The following COL28A1 variants were observed in gnomAD, a reference collection of about 807,000 sequenced individuals.
COL28A1 encodes collagen alpha-1(XXVIII) chain.
Under a neutral mutation model 150.2 loss-of-function variants are expected in COL28A1, and 161 were observed. The observed-to-expected ratio is 1.07, with a 90% CI of 0.94 to 1.22. The LOEUF (loss-of-function observed/expected upper bound fraction) is 1.22. Ranked by LOEUF, COL28A1 falls within the 50% of genes most tolerant of loss-of-function variation. The pLI is 0.00. For missense variants in COL28A1, 1,617 were observed against 1,388.3 expected (o/e 1.16, Z -2.62); for synonymous variants, 552 against 469.7 (o/e 1.18, Z -2.26).
chr7:7,363,239 A>T (rs1351503011), intron 33 of COL28A1, among the ~76,000 whole-genome samples: 1 of 152,206 alleles, frequency 6.6e-6, no homozygotes, highest in Admixed American at 6.5e-5. Flanking sequence ...GTTTTCTTCA[A>T]AGAATTAACT....
chr7:7,498,802 C>A (rs1190902132), intron 11 of COL28A1, among the ~76,000 whole-genome samples: 2 of 152,116 alleles, frequency 1.3e-5, no homozygotes, highest in Non-Finnish European at 2.9e-5. Flanking sequence ...TTTAGTGCCC[C>A]CTTTGACTAT....
chr7:7,522,639 A>G (rs975425672), intron 4 of COL28A1, among the ~76,000 whole-genome samples: 2 of 152,054 alleles, frequency 1.3e-5, no homozygotes, highest in East Asian at 3.8e-4. Flanking sequence ...TTGCTGGCAT[A>G]GAGGTCAGTA....
At position 7,443,613 on chromosome 7, in the gene COL28A1, G is replaced by A. The variant is rs201566182; in HGVS notation, c.1622C>T (p.Pro541Leu). 9.8e-5 allele frequency: 158 copies of A among 1,613,952 alleles called. No individual in the cohort carries two copies. Among genetic ancestry groups the A allele is most frequent in the Non-Finnish European group, 1.2e-4 (146 of 1,180,008 alleles). ...GGGGCCAGGCTGTCCTTTTCCAGGT[G>A]GTCCTTCTGGGCCTCTTGCTCCCGG... ...GLPGARGPEG[P>L]PGKGQPGPKG... Residue 541 changes from proline (P) to leucine (L), a missense_variant, in exon 20 of 35, where the codon CCA (proline) becomes CTA (leucine). Transcript: ENST00000399429.
At chr7:7,431,513 T>C (rs1442737907) in intron 25 of COL28A1, 6 of 470,988 alleles carry the variant, frequency 1.3e-5, no homozygotes, top group Non-Finnish European at 4.4e-6. Context: ...TCAGCCATCC[T>C]GGCGAGTCCC....
intron 16 of COL28A1, among the ~76,000 whole-genome samples, chr7:7,454,094 C>T (rs1786942009): frequency 6.6e-6 from 1 of 152,122 alleles, no homozygotes; most frequent in Non-Finnish European, 1.5e-5. Context: ...AGGATATGCA[C>T]ATATGTGTAC....
At chr7:7,446,242 A>G (rs1412042423) in intron 18 of COL28A1, among the ~76,000 whole-genome samples, 1 of 152,214 alleles carries the variant, frequency 6.6e-6, no homozygotes, top group African/African-American at 2.4e-5. Context: ...AGGTTTTTTA[A>G]AAGATATCAA....
At chr7:7,360,324 TTGTGCACCAAATC>T in intron 34 of COL28A1, 53 bp downstream of exon 34, 5 of 1,432,284 alleles carry the variant, frequency 3.5e-6, no homozygotes. Flanking sequence ...TCTCTTTCCT[TTGTGCACCAAATC>T]TGTGCACAAG....
At position 7,511,106 on chromosome 7, in the gene COL28A1, C is replaced by A. The variant is rs780167892; in HGVS notation, c.912G>T (p.Gly304=). Residue 304 remains glycine (G), a synonymous_variant, in exon 9 of 35, where the codon GGG becomes GGT. Coordinates refer to ENST00000399429, the MANE Select transcript of COL28A1 (RefSeq NM_001037763.3). ...TGTTCCTTACCTTGTCACCTTTTAT[C>A]CCTGGTTTACCACATTCCCCACGTT... The part of the protein sequence containing the change: ...KGERGECGKP[G]IKGDKGSPGP... The A allele has an allele frequency of 1.1e-5, 17 of 1,613,130 alleles. No homozygotes were observed. In the South Asian group the frequency reaches 1.5e-4, roughly 15 times the overall value.
chr7:7,400,853 A>G (rs922938117), intron 27 of COL28A1, among the ~76,000 whole-genome samples: 3 of 151,988 alleles, frequency 2.0e-5, no homozygotes, highest in Non-Finnish European at 2.9e-5. Context: ...TACAGGAAAA[A>G]ATTACAAGAA....
At chr7:7,479,875 T>C (rs1789248444) in intron 13 of COL28A1, among the ~76,000 whole-genome samples, 2 of 152,216 alleles carry the variant, frequency 1.3e-5, no homozygotes, top group African/African-American at 4.8e-5. Context: ...TTTTCTCTCC[T>C]TTTCTTCTTG....
intron 3 of COL28A1, among the ~76,000 whole-genome samples, chr7:7,525,242 G>C (rs1781957603): frequency 6.6e-6 from 1 of 152,222 alleles, no homozygotes; most frequent in Non-Finnish European, 1.5e-5. Context: ...ACCGTCTTCA[G>C]TGCATGTCAT....
chr7:7,375,507 A>G lies in COL28A1; in HGVS notation c.2323-10T>C, dbSNP rs893607623. 3.3e-6 allele frequency: 5 copies of G among 1,511,896 alleles called. No homozygotes were observed. The highest frequency in any genetic ancestry group is 3.5e-5 in the Admixed American group (2 of 57,444). The allele number at this position is 1,511,896 out of a possible 1,614,324, so 93.7% of individuals were successfully genotyped here. A position where few individuals can be genotyped will look rare whatever the true frequency, so the allele number is the denominator to read the frequency against. ...TGATAATTTCTTCTTTCTAGGGGAT[A>G]AAAAGAAAAATGTATTACTATATGT... On this transcript the variant is annotated splice_polypyrimidine_tract_variant and intron_variant, in intron 30 of 34. Transcript: ENST00000399429.
intron 13 of COL28A1, among the ~76,000 whole-genome samples, chr7:7,483,364 A>C (rs1779455481): frequency 6.6e-6 from 1 of 152,204 alleles, no homozygotes; most frequent in African/African-American, 2.4e-5. Context: ...ATATTCAATG[A>C]AAGAACAAAG....
chr7:7,450,651 C>T (rs760978798), intron 18 of COL28A1, among the ~76,000 whole-genome samples: 15 of 152,166 alleles, frequency 9.9e-5, no homozygotes, highest in Non-Finnish European at 1.9e-4. Flanking sequence ...CTATGATCTT[C>T]CCATTCTACC....
the COL28A1 span, among the ~76,000 whole-genome samples, chr7:7,543,586 G>C: frequency 6.6e-6 from 1 of 151,902 alleles, no homozygotes; most frequent in Non-Finnish European, 1.5e-5. Flanking sequence ...CTGAACACAG[G>C]GTTGCAAAGA....
chr7:7,531,642 T>C lies in COL28A1; in HGVS notation c.387A>G (p.Gln129=). Residue 129 remains glutamine, a synonymous_variant, in exon 3 of 35, where the codon CAA becomes CAG. Transcript: ENST00000399429. The part of the protein sequence containing the change: ...QKVKSMNLIG[Q]GTFSYYAISN... Reference sequence around the variant, plus strand: ...AAATGGCATAATAAGAGAAGGTACCTTGCCCTATTAAATTCATAGACTTGA... The same window carrying C: ...AAATGGCATAATAAGAGAAGGTACCCTGCCCTATTAAATTCATAGACTTGA... The C allele has an allele frequency of 6.2e-7, 1 of 1,602,570 alleles. No homozygotes were observed. Among genetic ancestry groups the C allele is most frequent in the Non-Finnish European group, 8.6e-7 (1 of 1,169,394 alleles).
chr7:7,446,230 A>T (rs1271541647), intron 18 of COL28A1, among the ~76,000 whole-genome samples: 2 of 152,174 alleles, frequency 1.3e-5, no homozygotes, highest in Non-Finnish European at 1.5e-5. Context: ...ACCTAGAATA[A>T]TAGGTTTTTT....
In COL28A1 at chr7:7,410,908, TTAAG is replaced by T. The variant is rs1360182075; in HGVS notation, c.2136+6947_2136+6950del. The stretch of plus-strand genomic sequence containing the variant: ...AATAAATGAGATTCCTTTTTCCCCC[TTAAG>T]TTAGTTAAATTTCAACGAATAAATC... On this transcript the variant is annotated intron_variant, in intron 27 of 34. Transcript: ENST00000399429. Among the ~76,000 whole-genome samples the T allele has an allele frequency of 3.3e-5, 5 of 152,270 alleles. No individual in the cohort carries two copies. The East Asian group carries it at 5.8e-4, about 18-fold the overall frequency.
chr7:7,376,965 A>G (rs992385631), intron 30 of COL28A1, among the ~76,000 whole-genome samples: 3 of 152,198 alleles, frequency 2.0e-5, no homozygotes, highest in African/African-American at 7.2e-5. Flanking sequence ...TATTATTATT[A>G]TATCATCACT....
Sources: allele counts gnomAD v4.1 joint callset (sites outside exome capture counted in the v4.1 genomes callset), GRCh38; gene constraint gnomAD v4.1.1; transcripts MANE v1.5; gene names NCBI Gene and HGNC (gene_info 2026-07-23, HGNC 2026-07-21).